ULK4: variants seen among roughly 807,000 people sequenced by gnomAD.
ULK4 encodes the protein inactive serine/threonine-protein kinase ULK4.
In ULK4, 133 loss-of-function variants were observed where a neutral mutation model predicts 160.6. That is an observed-to-expected ratio of 0.83 (90% CI 0.72 to 0.96). The LOEUF (loss-of-function observed/expected upper bound fraction) is 0.96, where lower values mean the gene tolerates loss of function less well. ULK4 is among the 40% of genes least tolerant of loss of function. The pLI, the probability that ULK4 is intolerant of heterozygous loss-of-function variation, is 0.00. For synonymous variants in ULK4, 534 were observed against 539.8 expected (o/e 0.99, Z 0.15); for missense variants, 1,580 against 1,499.5 (o/e 1.05, Z -0.89).
chr3:41,452,303 T>A (rs992735634), intron 34 of ULK4, among the ~76,000 whole-genome samples: 4 of 152,182 alleles, frequency 2.6e-5, no homozygotes, highest in African/African-American at 9.7e-5. Context: ...GGATTTTTCA[T>A]TAGGGCCTAC....
At chr3:41,751,816 C>T (rs1369980241) in intron 22 of ULK4, among the ~76,000 whole-genome samples, 4 of 152,132 alleles carry the variant, frequency 2.6e-5, no homozygotes, top group Admixed American at 2.0e-4. Flanking sequence ...GCCAGTCATG[C>T]AAGCATCTGA....
chr3:41,954,708 C>A lies in ULK4; in HGVS notation c.52G>T (p.Val18Phe). 6.2e-7 allele frequency: 1 copy of A among 1,613,916 alleles called. No homozygotes were observed. Among genetic ancestry groups the A allele is most frequent in the Non-Finnish European group, 8.5e-7 (1 of 1,179,902 alleles). The change falls in exon 2 of 37, where the codon GTC (valine) becomes TTC (phenylalanine). Residue 18 changes from valine to phenylalanine, a missense_variant. Physicochemically the swap from Val to Phe is conservative, Grantham distance 50 (BLOSUM62 -1). Coordinates refer to ENST00000301831, the MANE Select transcript of ULK4 (RefSeq NM_017886.4). ...GTTCCCTTCCGTCGCCCTTTATAGA[C>A]AACAGTCTTGCTTCCTCTTCCGATC... ...EEIGRGSKTV[V>F]YKGRRKGTIN... is the part of the protein sequence containing the mutation.
intron 22 of ULK4, among the ~76,000 whole-genome samples, chr3:41,720,691 G>A (rs1024231934): frequency 1.3e-5 from 2 of 151,926 alleles, no homozygotes; most frequent in African/African-American, 4.8e-5. Flanking sequence ...TACATACAAT[G>A]ACATCTATTT....
At chr3:41,761,925 A>C (rs1220454782) in intron 21 of ULK4, among the ~76,000 whole-genome samples, 2 of 151,970 alleles carry the variant, frequency 1.3e-5, no homozygotes, top group Non-Finnish European at 2.9e-5. Flanking sequence ...AAAAATAATA[A>C]TAATAATAAT....
At chr3:41,474,805 T>A (rs2084089899) in intron 32 of ULK4, among the ~76,000 whole-genome samples, 1 of 128,870 alleles carries the variant, frequency 7.8e-6, no homozygotes, top group African/African-American at 3.2e-5. Flanking sequence ...CTTACATCTG[T>A]CAGAATGATT....
At position 41,289,897 on chromosome 3, in the gene ULK4, C is replaced by T. The variant is rs771501461; in HGVS notation, c.3679-40323G>A. On this transcript the variant is annotated intron_variant, in intron 35 of 36. Transcript: ENST00000301831. ...TATGTGTGTGTGTGTGTATGTGTGA[C>T]GGAGTTTTGCTCTTGTTGCCCAGGC... is the stretch of plus-strand genomic sequence containing the variant. 4.0e-5 allele frequency among the ~76,000 whole-genome samples: 6 copies of T among 151,852 alleles called. No individual in the cohort carries two copies. The South Asian group carries it at 6.2e-4, about 16-fold the overall frequency.
At position 41,925,056 on chromosome 3, in the gene ULK4, G is replaced by A. The variant is rs761221820; in HGVS notation, c.542-5238C>T. On this transcript the variant is annotated intron_variant, in intron 5 of 36. Coordinates refer to ENST00000301831, the MANE Select transcript of ULK4 (RefSeq NM_017886.4). ...CAAGTATAGCAATTTTAACACCCCC[G>A]GCCCCACCTCACATACCAAGAATAC... is the stretch of plus-strand genomic sequence containing the variant. Among the ~76,000 whole-genome samples, 10 of 152,148 alleles carry A rather than the reference G, an allele frequency of 6.6e-5. No individual in the cohort carries two copies. The East Asian group carries it at 1.7e-3, about 26-fold the overall frequency.
chr3:41,703,002 C>T (rs1001991002), intron 27 of ULK4, among the ~76,000 whole-genome samples: 1 of 151,778 alleles, frequency 6.6e-6, no homozygotes, highest in African/African-American at 2.4e-5. Context: ...TACAGGCACA[C>T]ACCACCATGC....
At chr3:41,893,431 C>G (rs1698040153) in intron 16 of ULK4, among the ~76,000 whole-genome samples, 1 of 152,078 alleles carries the variant, frequency 6.6e-6, no homozygotes, top group South Asian at 2.1e-4. Flanking sequence ...GAAGTTCTAA[C>G]AAAAGGCATT....
intron 34 of ULK4, among the ~76,000 whole-genome samples, chr3:41,417,731 T>A (rs2082559709): frequency 6.6e-6 from 1 of 152,120 alleles, no homozygotes; most frequent in South Asian, 2.1e-4. Flanking sequence ...CTGACACACA[T>A]CACTTCTGTT....
chr3:41,595,282 C>T (rs192735985), intron 31 of ULK4, among the ~76,000 whole-genome samples: 37 of 152,284 alleles, frequency 2.4e-4, no homozygotes, highest in African/African-American at 8.2e-4. Context: ...TTGACCTCTT[C>T]CTCTTCCTGC....
At chr3:41,823,618 T>G (rs1299396972) in intron 18 of ULK4, among the ~76,000 whole-genome samples, 1 of 152,158 alleles carries the variant, frequency 6.6e-6, no homozygotes, top group African/African-American at 2.4e-5. Context: ...AAGACTCAGG[T>G]TGTTGTATTA....
intron 22 of ULK4, among the ~76,000 whole-genome samples, chr3:41,747,551 T>C (rs145768142): frequency 1.3e-5 from 2 of 152,234 alleles, no homozygotes; most frequent in Non-Finnish European, 2.9e-5. Context: ...CTGAATTCTG[T>C]TCCCCCCAAA....
intron 32 of ULK4, among the ~76,000 whole-genome samples, chr3:41,537,202 T>G (rs1298787925): frequency 6.6e-6 from 1 of 151,674 alleles, no homozygotes; most frequent in Non-Finnish European, 1.5e-5. Flanking sequence ...ATTTTTTTTT[T>G]GTTGCCATAT....
intron 5 of ULK4, among the ~76,000 whole-genome samples, chr3:41,921,935 C>T (rs949779359): frequency 6.6e-6 from 1 of 152,236 alleles, no homozygotes; most frequent in East Asian, 1.9e-4. Context: ...AGGCGGATCA[C>T]CTGAGGTCAG....
intron 18 of ULK4, among the ~76,000 whole-genome samples, chr3:41,834,075 TATA>T (rs1297435663): frequency 6.6e-6 from 1 of 151,156 alleles, no homozygotes; most frequent in African/African-American, 2.4e-5. Context: ...TACACATAAT[TATA>T]ATATTTATTG....
chr3:41,643,823 A>C (rs944979721), intron 30 of ULK4, among the ~76,000 whole-genome samples: 9 of 152,240 alleles, frequency 5.9e-5, no homozygotes, highest in Admixed American at 2.0e-4. Context: ...CCTACCCATC[A>C]GCATGGAATG....
At chr3:41,305,520 T>C (rs1455329917) in intron 35 of ULK4, among the ~76,000 whole-genome samples, 1 of 152,232 alleles carries the variant, frequency 6.6e-6, no homozygotes, top group Admixed American at 6.5e-5. Flanking sequence ...GTTCACTCAG[T>C]GCTCAATGTT....
chr3:41,473,331 A>G (rs2084042745), intron 32 of ULK4, among the ~76,000 whole-genome samples: 1 of 152,110 alleles, frequency 6.6e-6, no homozygotes, highest in South Asian at 2.1e-4. Flanking sequence ...TTGTATGTGG[A>G]AAACGCTAAA....
Sources: allele counts gnomAD v4.1 joint callset (sites outside exome capture counted in the v4.1 genomes callset), GRCh38; gene constraint gnomAD v4.1.1; transcripts MANE v1.5; gene names NCBI Gene and HGNC (gene_info 2026-07-23, HGNC 2026-07-21).